The following GNAL variants were observed in gnomAD, a reference collection of about 807,000 sequenced individuals.
GNAL encodes guanine nucleotide-binding protein G(olf) subunit alpha.
In GNAL, 18 loss-of-function variants were observed where a neutral mutation model predicts 55.1. That is an observed-to-expected ratio of 0.33 (90% CI 0.23 to 0.48). The LOEUF (loss-of-function observed/expected upper bound fraction) is 0.48, where lower values mean the gene tolerates loss of function less well. GNAL is among the 20% of genes least tolerant of loss of function. The pLI, the probability that GNAL is intolerant of heterozygous loss-of-function variation, is 0.99. For missense variants in GNAL, 412 were observed against 614.1 expected, an observed-to-expected ratio of 0.67 and a Z score of 3.48; for synonymous variants, 253 against 237.0, an observed-to-expected ratio of 1.07 and a Z score of -0.62.
chr18:11,853,012 T>TA (rs1218764772), intron 5 of GNAL: 2 of 167,134 alleles, frequency 1.2e-5, no homozygotes, highest in African/African-American at 4.8e-5. Flanking sequence ...TACACACTCT[T>TA]AACATTGCCA....
rs35736728 is a variant in GNAL, at chr18:11,693,852, A to ATTT, written c.376+3930_376+3932dup. Among the ~76,000 whole-genome samples, 588 of 109,802 alleles carry ATTT rather than the reference A, an allele frequency of 5.4e-3. 16 individuals are homozygous for ATTT. Among genetic ancestry groups the ATTT allele is most frequent in the African/African-American group, 0.019 (518 of 27,572 alleles). 72.0% of individuals were successfully genotyped at this position (109,802 alleles called of 152,430 possible). On this transcript the variant is annotated intron_variant, in intron 1 of 11. Coordinates refer to ENST00000334049, the MANE Select transcript of GNAL (RefSeq NM_182978.4). ...GGCAACATAGTAAGACTATGTCGCT[A>ATTT]TTTTTTTTTTTTTTTTTTTAGACAG...
At chr18:11,792,479 C>T (rs111361408) in intron 4 of GNAL, among the ~76,000 whole-genome samples, 16 of 152,332 alleles carry the variant, frequency 1.1e-4, no homozygotes, top group African/African-American at 3.4e-4. Context: ...AGCCACTGCA[C>T]CCAGCTTGTC....
intron 4 of GNAL, among the ~76,000 whole-genome samples, chr18:11,799,686 A>T (rs1376025053): frequency 2.0e-5 from 3 of 152,216 alleles, no homozygotes; most frequent in Non-Finnish European, 2.9e-5. Context: ...TATAAAAAAA[A>T]TCCAATATAT....
chr18:11,713,694 C>G (rs2143372781), intron 1 of GNAL, among the ~76,000 whole-genome samples: 1 of 152,234 alleles, frequency 6.6e-6, no homozygotes, highest in African/African-American at 2.4e-5. Context: ...AGCAGAAAAC[C>G]TCTGCTATAC....
intron 4 of GNAL, among the ~76,000 whole-genome samples, chr18:11,755,342 C>T (rs772107189): frequency 2.6e-5 from 4 of 152,198 alleles, no homozygotes; most frequent in South Asian, 2.1e-4. Flanking sequence ...TGCAGTGGCG[C>T]GGCTCACTGA....
chr18:11,885,187 T>A lies in GNAL; in HGVS notation c.*4052T>A. 1 of 542,470 alleles carries A rather than the reference T, an allele frequency of 1.8e-6. No individual in the cohort carries two copies. The highest frequency in any genetic ancestry group is 2.7e-6 in the Non-Finnish European group (1 of 369,850). The allele number at this position is 542,470 out of a possible 1,614,324, so 33.6% of individuals were successfully genotyped here. On this transcript the variant is annotated 3_prime_UTR_variant, in exon 12 of 12. Coordinates refer to ENST00000334049, the MANE Select transcript of GNAL (RefSeq NM_182978.4). ...CACCTTTTTATGAAGTAAAAGAACC[T>A]GTCGTACCAGCATCATGAGCTGGAT...
intron 1 of GNAL, among the ~76,000 whole-genome samples, chr18:11,729,895 G>A (rs2032296692): frequency 6.6e-6 from 1 of 152,160 alleles, no homozygotes; most frequent in Admixed American, 6.5e-5. Flanking sequence ...AAATCATAAA[G>A]CAACACATGG....
intron 11 of GNAL, among the ~76,000 whole-genome samples, chr18:11,878,427 G>C (rs955865884): frequency 6.6e-6 from 1 of 152,036 alleles, no homozygotes; most frequent in Non-Finnish European, 1.5e-5. Context: ...CCCCAACCTG[G>C]GTGACAGAGC....
At chr18:11,802,626 C>T (rs1320746816) in intron 4 of GNAL, among the ~76,000 whole-genome samples, 1 of 152,218 alleles carries the variant, frequency 6.6e-6, no homozygotes, top group Non-Finnish European at 1.5e-5. Flanking sequence ...CTGGTCACTG[C>T]ATATTTCTAT....
intron 1 of GNAL, among the ~76,000 whole-genome samples, chr18:11,695,764 CTCTG>C (rs1408461074): frequency 1.3e-5 from 2 of 151,912 alleles, no homozygotes; most frequent in Non-Finnish European, 2.9e-5. Context: ...TTTGCTATTT[CTCTG>C]TCTGGAATAC....
At position 11,868,764 on chromosome 18, in the gene GNAL, A is replaced by C; in HGVS notation, c.1031+101A>C. The C allele has an allele frequency of 1.1e-6, 1 of 944,960 alleles. No homozygotes were observed. Among genetic ancestry groups the C allele is most frequent in the Non-Finnish European group, 1.6e-6 (1 of 634,082 alleles). 58.5% of individuals were successfully genotyped at this position (944,960 alleles called of 1,614,324 possible). A position where few individuals can be genotyped will look rare whatever the true frequency, so the allele number is the denominator to read the frequency against. On this transcript the variant is annotated intron_variant, in intron 9 of 11. Transcript: ENST00000334049. This position sits in a 1 kb window ranked among gnomAD's most constrained non-coding sequence, Gnocchi z 4.0. ...GTTGTGGCTCACACCTGTAATCTCA[A>C]CACTGGGAGGCCGAGGCAGGTGTGT...
chr18:11,833,173 AG>A (rs1424091978), intron 5 of GNAL, among the ~76,000 whole-genome samples: 3 of 151,778 alleles, frequency 2.0e-5, no homozygotes, highest in African/African-American at 7.3e-5. Flanking sequence ...CTGGAATTAC[AG>A]GGGCCCGCCA....
chr18:11,799,678 T>TA lies in GNAL; in HGVS notation c.625-25232dup, dbSNP rs554957992. Among the ~76,000 whole-genome samples the TA allele has an allele frequency of 3.0e-4, 46 of 152,198 alleles. No individual in the cohort carries two copies. In the South Asian group the frequency reaches 7.1e-3, roughly 23 times the overall value. On this transcript the variant is annotated intron_variant, in intron 4 of 11. Coordinates refer to ENST00000334049, the MANE Select transcript of GNAL (RefSeq NM_182978.4). ...GGATTAGGGATGCTCAACCTACGTA[T>TA]AAAAAAAATCCAATATATGAAATAC...
At chr18:11,717,216 C>T (rs1400764137) in intron 1 of GNAL, among the ~76,000 whole-genome samples, 4 of 152,254 alleles carry the variant, frequency 2.6e-5, no homozygotes, top group South Asian at 2.1e-4. Context: ...GTGCGGGGTC[C>T]GCGGAGCCCA....
At chr18:11,852,033 C>G (rs2035884682) in intron 5 of GNAL, 2 of 1,613,770 alleles carry the variant, frequency 1.2e-6, no homozygotes, top group African/African-American at 2.7e-5. Context: ...GCCAGACCGG[C>G]TCCGTGGGCA....
intron 10 of GNAL, among the ~76,000 whole-genome samples, chr18:11,872,635 A>C (rs552548343): frequency 1.3e-5 from 2 of 152,332 alleles, no homozygotes; most frequent in African/African-American, 2.4e-5. Flanking sequence ...AGCAGAAGAA[A>C]GAGCCATTTT....
chr18:11,874,269 G>T (rs1017493733), intron 10 of GNAL: 1 of 152,186 alleles, frequency 6.6e-6, no homozygotes, highest in Non-Finnish European at 1.5e-5. Flanking sequence ...AGCACCTGCT[G>T]GAAGCCTGGG....
chr18:11,735,019 G>A (rs943262823), intron 1 of GNAL, among the ~76,000 whole-genome samples: 1 of 149,238 alleles, frequency 6.7e-6, no homozygotes, highest in African/African-American at 2.5e-5. Flanking sequence ...GTGAGGATTG[G>A]TGGGCATTTG....
rs139286776 is a variant in GNAL at position 11,822,908 on chromosome 18, A to G, written c.625-2010A>G. On this transcript the variant is annotated intron_variant, in intron 4 of 11. Coordinates refer to ENST00000334049, the MANE Select transcript of GNAL (RefSeq NM_182978.4). ...TCCATTTGGAAACCTATTATAGTGA[A>G]TAACTCTTATGTGAACTTTTATAAA... Among the ~76,000 whole-genome samples the G allele has an allele frequency of 3.8e-3, 581 of 151,476 alleles. 3 individuals carry two copies. Among genetic ancestry groups the G allele is most frequent in the Non-Finnish European group, 6.3e-3 (430 of 67,916 alleles).
Sources: allele counts gnomAD v4.1 joint callset (sites outside exome capture counted in the v4.1 genomes callset), GRCh38; gene constraint gnomAD v4.1.1; non-coding constraint Gnocchi (gnomAD v3.1); transcripts MANE v1.5; gene names NCBI Gene and HGNC (gene_info 2026-07-23, HGNC 2026-07-21).